Variants in TMEM132B observed in about 807,000 individuals in gnomAD.
The protein encoded by TMEM132B is transmembrane protein 132B.
In TMEM132B, 18 loss-of-function variants were observed where a neutral mutation model predicts 90.8. That is an observed-to-expected ratio of 0.20 (90% CI 0.14 to 0.29). TMEM132B has a LOEUF of 0.29. Ranked by LOEUF, TMEM132B falls within the 10% of genes least tolerant of loss-of-function variation. The pLI, the probability that TMEM132B is intolerant of heterozygous loss-of-function variation, is 1.00. For missense variants in TMEM132B, 1,096 were observed against 1,326.8 expected (o/e 0.83, Z 2.70); for synonymous variants, 504 against 523.3 (o/e 0.96, Z 0.50).
At chr12:125,245,591 TCC>T (rs1267240814) in intron 1 of TMEM132B, among the ~76,000 whole-genome samples, 2 of 152,054 alleles carry the variant, frequency 1.3e-5, no homozygotes, top group Non-Finnish European at 2.9e-5. Flanking sequence ...CAGCAGCTGC[TCC>T]CCGGCAGGAA....
In TMEM132B at chr12:125,353,717, G is replaced by A. The variant is rs1440784428; in HGVS notation, c.959+3374G>A. Among the ~76,000 whole-genome samples the A allele has an allele frequency of 2.0e-5, 3 of 152,156 alleles. 1 individual carries two copies. In the South Asian group the frequency reaches 6.2e-4, roughly 32 times the overall value. On this transcript the variant is annotated intron_variant, in intron 2 of 8. Transcript: ENST00000682704. ...CCCCTGTGATCTGACCATAGAGCTTGTGCCCTTCATCCCCCACAGCTCACT... is the reference window on the plus strand; with the variant it reads ...CCCCTGTGATCTGACCATAGAGCTTATGCCCTTCATCCCCCACAGCTCACT...
At chr12:125,353,671 G>C (rs999432375) in intron 2 of TMEM132B, among the ~76,000 whole-genome samples, 6 of 152,160 alleles carry the variant, frequency 3.9e-5, no homozygotes, top group Non-Finnish European at 7.4e-5. Context: ...GGTCACACAG[G>C]TAGGGAGTGG....
chr12:125,420,643 AAC>A (rs1880142902), intron 3 of TMEM132B, among the ~76,000 whole-genome samples: 1 of 152,212 alleles, frequency 6.6e-6, no homozygotes, highest in Non-Finnish European at 1.5e-5. Context: ...CTTGGTGATT[AAC>A]ATTTGACTCC....
chr12:125,297,182 A>C (rs1006250162), intron 1 of TMEM132B, among the ~76,000 whole-genome samples: 1 of 152,064 alleles, frequency 6.6e-6, no homozygotes, highest in African/African-American at 2.4e-5. Flanking sequence ...GGCTTTTCCT[A>C]CCCAGTGAGA....
chr12:125,431,775 C>T (rs561098345), intron 3 of TMEM132B, among the ~76,000 whole-genome samples: 2 of 152,204 alleles, frequency 1.3e-5, no homozygotes, highest in East Asian at 1.9e-4. Flanking sequence ...CAGTGAATGG[C>T]GAGGTGGGAC....
chr12:125,318,079 GT>G (rs1876332646), intron 1 of TMEM132B, among the ~76,000 whole-genome samples: 1 of 152,220 alleles, frequency 6.6e-6, no homozygotes, highest in African/African-American at 2.4e-5. Context: ...ATAATGTTGG[GT>G]GGAAAATGCA....
At chr12:125,554,738 T>C (rs1404748904) in intron 4 of TMEM132B, among the ~76,000 whole-genome samples, 1 of 152,232 alleles carries the variant, frequency 6.6e-6, no homozygotes, top group Non-Finnish European at 1.5e-5. Flanking sequence ...CACATTCTCT[T>C]GGTTGCATGT....
chr12:125,554,583 T>C (rs894526414), intron 4 of TMEM132B, among the ~76,000 whole-genome samples: 1 of 152,124 alleles, frequency 6.6e-6, no homozygotes. Flanking sequence ...CTCCAACATT[T>C]TGTTCTTTGC....
At chr12:125,537,163 C>T (rs1043073058) in intron 4 of TMEM132B, among the ~76,000 whole-genome samples, 1 of 152,322 alleles carries the variant, frequency 6.6e-6, no homozygotes, top group Non-Finnish European at 1.5e-5. Context: ...GGGGAACCCA[C>T]ATATACAAAG....
In TMEM132B at chr12:125,567,170, G is replaced by A. The variant is rs561815046; in HGVS notation, c.1294-16681G>A. On this transcript the variant is annotated intron_variant, in intron 4 of 8. Coordinates refer to ENST00000682704, the MANE Select transcript of TMEM132B (RefSeq NM_001366854.1). ...TCTTTTTGGCTGACAACCACAGCCT[G>A]CTTTCACTTGGCTGACTTGCTAGTT... Among the ~76,000 whole-genome samples, 4 of 152,282 alleles carry A rather than the reference G, an allele frequency of 2.6e-5. No individual in the cohort carries two copies. The South Asian group carries it at 6.2e-4, about 24-fold the overall frequency.
Position 125,498,868 on chromosome 12 carries a change from A to G in TMEM132B, c.1107-20571A>G, listed in dbSNP as rs1321926421. On this transcript the variant is annotated intron_variant, in intron 3 of 8. Coordinates refer to ENST00000682704, the MANE Select transcript of TMEM132B (RefSeq NM_001366854.1). This position sits in a 1 kb window ranked among gnomAD's most constrained non-coding sequence, Gnocchi z 4.5. The stretch of plus-strand genomic sequence containing the variant: ...AAATCAGGTCTCCTGCCCAAAGGGC[A>G]TGCAGGTTTCCTGTGGGTTATCTTT... Among the ~76,000 whole-genome samples, 1 of 152,254 alleles carries G rather than the reference A, an allele frequency of 6.6e-6. No individual in the cohort carries two copies.
chr12:125,534,368 T>C (rs1037613853), intron 4 of TMEM132B, among the ~76,000 whole-genome samples: 41 of 152,214 alleles, frequency 2.7e-4, no homozygotes, highest in African/African-American at 8.9e-4. Flanking sequence ...CATTTAAAAA[T>C]TGGCCATACA....
intron 2 of TMEM132B, among the ~76,000 whole-genome samples, chr12:125,385,971 A>C (rs543000843): frequency 6.6e-6 from 1 of 152,242 alleles, no homozygotes; most frequent in South Asian, 2.1e-4. Context: ...TAAACAAGTA[A>C]TGAAGTGCTT....
At chr12:125,632,606 T>C (rs1049597113) in intron 5 of TMEM132B, among the ~76,000 whole-genome samples, 3 of 152,140 alleles carry the variant, frequency 2.0e-5, no homozygotes, top group African/African-American at 7.2e-5. Flanking sequence ...CTTTTGCTTG[T>C]CTGGGAAAGT....
chr12:125,201,178 G>T (rs2136057032), intron 1 of TMEM132B, among the ~76,000 whole-genome samples: 1 of 152,252 alleles, frequency 6.6e-6, no homozygotes, highest in South Asian at 2.1e-4. Context: ...GCATATTTCA[G>T]GGGGAAAAGT....
rs539184338 is a variant in TMEM132B, at chr12:125,199,181, C to T, written c.67+12315C>T. Among the ~76,000 whole-genome samples the T allele has an allele frequency of 3.3e-5, 5 of 152,256 alleles. No individual in the cohort carries two copies. The South Asian group carries it at 6.2e-4, about 19-fold the overall frequency. ...CCTGAAACTGGCACATACACGGCAT[C>T]GTATGCACTTTTGCATAATTTTACA... On this transcript the variant is annotated intron_variant, in intron 1 of 8. Transcript: ENST00000682704.
At chr12:125,454,424 T>A (rs565335268) in intron 3 of TMEM132B, among the ~76,000 whole-genome samples, 245 of 143,818 alleles carry the variant, frequency 1.7e-3, no homozygotes, top group Non-Finnish European at 3.1e-3. Context: ...GTGTGTGACA[T>A]TTCTGGCAAT....
At chr12:125,424,529 T>C (rs906881890) in intron 3 of TMEM132B, among the ~76,000 whole-genome samples, 1 of 152,264 alleles carries the variant, frequency 6.6e-6, no homozygotes, top group African/African-American at 2.4e-5. Context: ...AATTTTGGAC[T>C]ATGTTTTTAC....
intron 1 of TMEM132B, among the ~76,000 whole-genome samples, chr12:125,302,168 C>T (rs1475650519): frequency 6.6e-6 from 1 of 151,878 alleles, no homozygotes; most frequent in African/African-American, 2.4e-5. Context: ...CTGCTGCACT[C>T]CAGGCTGGCG....
Sources: allele counts gnomAD v4.1 joint callset (sites outside exome capture counted in the v4.1 genomes callset), GRCh38; gene constraint gnomAD v4.1.1; non-coding constraint Gnocchi (gnomAD v3.1); transcripts MANE v1.5; gene names NCBI Gene and HGNC (gene_info 2026-07-23, HGNC 2026-07-21).